Variants in PCDHGB4 observed in about 807,000 individuals in gnomAD.
The protein encoded by PCDHGB4 is protocadherin gamma subfamily B, 4.
A neutral mutation model predicts 60.5 loss-of-function variants in PCDHGB4; 38 were observed. That is an observed-to-expected ratio of 0.63 (90% confidence interval 0.48 to 0.82). PCDHGB4 has a LOEUF of 0.82. Ranked by LOEUF, PCDHGB4 falls within the 40% of genes least tolerant of loss-of-function variation. The pLI is 0.00. For synonymous variants in PCDHGB4, 456 were observed against 509.7 expected (o/e 0.89, Z 1.42); for missense variants, 1,109 against 1,209.6 (o/e 0.92, Z 1.23).
chr5:141,426,371 C>T (rs987346395), intron 1 of PCDHGB4: 4 of 217,048 alleles, frequency 1.8e-5, no homozygotes, highest in African/African-American at 9.0e-5. Context: ...TGCGGGGCAC[C>T]CTCGGAGCAG....
intron 1 of PCDHGB4, chr5:141,478,679 C>T (rs1247027395): frequency 3.2e-6 from 5 of 1,551,382 alleles, no homozygotes; most frequent in East Asian, 2.4e-5. Flanking sequence ...TCAACTGGCC[C>T]TTCCTAGATC....
At chr5:141,398,811 C>T (rs1231007055) in intron 1 of PCDHGB4, 4 of 1,613,862 alleles carry the variant, frequency 2.5e-6, no homozygotes, top group Non-Finnish European at 3.4e-6. Context: ...CCACTGAGCT[C>T]CGGATCCAGG....
chr5:141,419,769 C>T (rs773303779), intron 1 of PCDHGB4: 6 of 1,613,888 alleles, frequency 3.7e-6, no homozygotes, highest in Non-Finnish European at 4.2e-6. Context: ...GACAAGGACT[C>T]GGTCCGCCAG....
At chr5:141,413,189 G>C in intron 1 of PCDHGB4, 7 of 1,606,972 alleles carry the variant, frequency 4.4e-6, no homozygotes, top group Non-Finnish European at 6.0e-6. Context: ...GCCGCTCAAA[G>C]GAATCGCTCA....
intron 1 of PCDHGB4, chr5:141,395,450 C>A: frequency 1.6e-6 from 1 of 643,034 alleles, no homozygotes; most frequent in Non-Finnish European, 2.5e-6. Flanking sequence ...AAAGATTGTT[C>A]AACCATTTTA....
At chr5:141,464,748 T>C (rs995568259) in intron 1 of PCDHGB4, among the ~76,000 whole-genome samples, 2 of 152,190 alleles carry the variant, frequency 1.3e-5, no homozygotes, top group Admixed American at 1.3e-4. Context: ...TATCTTTTTG[T>C]TTTTTTAGAG....
In PCDHGB4 at chr5:141,389,114, C is replaced by A; in HGVS notation, c.1230C>A (p.Arg410=). Residue 410 remains arginine, a synonymous_variant, in exon 1 of 4, where the codon CGC becomes CGA. Transcript: ENST00000519479. ...TAGTGACAGATGCTGTTCTAGACCG[C>A]GAGCAGAATCCAGAGTACAATATAA... ...YKLVTDAVLD[R]EQNPEYNITV... 1.2e-6 allele frequency: 2 copies of A among 1,614,004 alleles called. No homozygotes were observed. The highest frequency in any genetic ancestry group is 1.7e-6 in the Non-Finnish European group (2 of 1,179,882).
At chr5:141,417,117 C>A (rs1199474234) in intron 1 of PCDHGB4, 3 of 151,748 alleles carry the variant, frequency 2.0e-5, no homozygotes, top group Non-Finnish European at 4.4e-5. Context: ...TACAGGACAC[C>A]CTGGATGATG....
Position 141,486,986 on chromosome 5 carries a change from T to C in PCDHGB4, c.2398-7821T>C. Reference sequence around the variant, plus strand: ...GGACTTGGATTCAGGTTACAATGCTTGGGTTTCCTATCAGCTCCTGGAGGC... The same window carrying C: ...GGACTTGGATTCAGGTTACAATGCTCGGGTTTCCTATCAGCTCCTGGAGGC... On this transcript the variant is annotated intron_variant, in intron 1 of 3. Coordinates refer to ENST00000519479, the MANE Select transcript of PCDHGB4 (RefSeq NM_003736.4). The surrounding 1 kb of genome is among the most constrained non-coding windows in gnomAD (Gnocchi z 5.0). 6.2e-7 allele frequency: 1 copy of C among 1,614,214 alleles called. No homozygotes were observed. Among genetic ancestry groups the C allele is most frequent in the South Asian group, 1.1e-5 (1 of 91,088 alleles).
Position 141,511,348 on chromosome 5 carries a change from C to T in PCDHGB4, c.*175C>T. Reference sequence around the variant, plus strand: ...TGCCCAGTCAGCACCTACCCCTTCCCCCCCAGGGGGTTGAATATGCAAAAG... The same window carrying T: ...TGCCCAGTCAGCACCTACCCCTTCCTCCCCAGGGGGTTGAATATGCAAAAG... On this transcript the variant is annotated 3_prime_UTR_variant, in exon 4 of 4. Transcript: ENST00000519479. The T allele has an allele frequency of 7.1e-7, 1 of 1,404,104 alleles. No homozygotes were observed. The highest frequency in any genetic ancestry group is 9.5e-7 in the Non-Finnish European group (1 of 1,056,554). 87.0% of individuals were successfully genotyped at this position (1,404,104 alleles called of 1,614,324 possible). A position where few individuals can be genotyped will look rare whatever the true frequency, so the allele number is the denominator to read the frequency against.
chr5:141,476,091 G>A lies in PCDHGB4; in HGVS notation c.2398-18716G>A. The A allele has an allele frequency of 2.6e-6, 4 of 1,563,192 alleles. No individual in the cohort carries two copies. The highest frequency in any genetic ancestry group is 3.5e-6 in the Non-Finnish European group (4 of 1,159,278). On this transcript the variant is annotated intron_variant, in intron 1 of 3. Transcript: ENST00000519479. The surrounding 1 kb of genome is among the most constrained non-coding windows in gnomAD (Gnocchi z 7.6). ...AAATCTCAGGGACGATCTGGACCCCGCTGAGAGGAACTGCTTTTGAGTGAG... is the reference window on the plus strand; with the variant it reads ...AAATCTCAGGGACGATCTGGACCCCACTGAGAGGAACTGCTTTTGAGTGAG...
At chr5:141,393,129 A>G in intron 1 of PCDHGB4, 2 of 1,613,426 alleles carry the variant, frequency 1.2e-6, no homozygotes, top group Non-Finnish European at 1.7e-6. Context: ...TCTGATAAAT[A>G]TTAACACCCT....
chr5:141,497,413 T>C (rs572922456), intron 2 of PCDHGB4, among the ~76,000 whole-genome samples: 8 of 152,046 alleles, frequency 5.3e-5, no homozygotes, highest in Admixed American at 5.2e-4. Context: ...TCCCATTCCA[T>C]CAAATGAGAG....
chr5:141,424,860 A>C (rs2154550951), intron 1 of PCDHGB4, among the ~76,000 whole-genome samples: 1 of 152,340 alleles, frequency 6.6e-6, no homozygotes. Flanking sequence ...TGTCTAGGAA[A>C]GCCAAATGAG....
At chr5:141,405,389 T>A in intron 1 of PCDHGB4, 12 of 1,600,534 alleles carry the variant, frequency 7.5e-6, no homozygotes, top group Non-Finnish European at 8.5e-6. Context: ...GAGTTCATTT[T>A]TTTTCTTTCT....
At position 141,485,789 on chromosome 5, in the gene PCDHGB4, T is replaced by G. The variant is rs1276069810; in HGVS notation, c.2398-9018T>G. The G allele has an allele frequency of 1.2e-6, 2 of 1,613,978 alleles. No individual in the cohort carries two copies. The highest frequency in any genetic ancestry group is 1.7e-6 in the Non-Finnish European group (2 of 1,180,030). On this transcript the variant is annotated intron_variant, in intron 1 of 3. Coordinates refer to ENST00000519479, the MANE Select transcript of PCDHGB4 (RefSeq NM_003736.4). This position sits in a 1 kb window ranked among gnomAD's most constrained non-coding sequence, Gnocchi z 5.7. ...GAAGCCTTTGGATCGAGAGAAGCAATCGGACTACCGCCTGGTGCTGACTGC... is the reference window on the plus strand; with the variant it reads ...GAAGCCTTTGGATCGAGAGAAGCAAGCGGACTACCGCCTGGTGCTGACTGC...
intron 1 of PCDHGB4, chr5:141,398,657 GT>G: frequency 6.2e-7 from 1 of 1,614,018 alleles, no homozygotes; most frequent in South Asian, 1.1e-5. Context: ...CTTAACCCAA[GT>G]TTCTCATTAA....
chr5:141,396,134 A>G (rs970824771), intron 1 of PCDHGB4: 1 of 152,226 alleles, frequency 6.6e-6, no homozygotes, highest in East Asian at 1.9e-4. Context: ...CACAAGTTCT[A>G]AATAAGCTGA....
intron 1 of PCDHGB4, chr5:141,404,954 A>C: frequency 6.2e-7 from 1 of 1,613,952 alleles, no homozygotes; most frequent in Non-Finnish European, 8.5e-7. Flanking sequence ...AGCTGACAGC[A>C]TCCCAGACAT....
Sources: gnomAD v4.1 joint callset for allele counts (sites outside exome capture counted in the v4.1 genomes callset) on GRCh38, gnomAD v4.1.1 for gene constraint, Gnocchi (gnomAD v3.1) non-coding constraint, MANE v1.5 for transcripts, NCBI Gene and HGNC (gene_info 2026-07-23, HGNC 2026-07-21) for gene names.